LRRC7: variants seen among roughly 807,000 people sequenced by gnomAD.
The protein encoded by LRRC7 is leucine-rich repeat-containing protein 7.
A neutral mutation model predicts 175.7 loss-of-function variants in LRRC7; 23 were observed. The ratio of observed to expected loss-of-function variants is 0.13; its 90% CI spans 0.09 to 0.19. The LOEUF (loss-of-function observed/expected upper bound fraction) is 0.19, where lower values mean the gene tolerates loss of function less well. Among genes scored for constraint, LRRC7 ranks in the 10% least tolerant of loss-of-function variants. LRRC7 has a pLI of 1.00. For missense variants in LRRC7, 1,354 were observed against 1,904.7 expected (o/e 0.71, Z 5.38); for synonymous variants, 685 against 680.9 (o/e 1.01, Z -0.09).
intron 7 of LRRC7, among the ~76,000 whole-genome samples, chr1:69,858,917 G>A (rs1684035756): frequency 6.6e-6 from 1 of 151,998 alleles, no homozygotes; most frequent in Non-Finnish European, 1.5e-5. Flanking sequence ...ATGATAAAAG[G>A]GTCAATTCAA....
intron 25 of LRRC7, among the ~76,000 whole-genome samples, chr1:70,095,340 A>T (rs529461123): frequency 6.6e-6 from 1 of 152,328 alleles, no homozygotes; most frequent in East Asian, 1.9e-4. Context: ...CTTCAGCTGC[A>T]TCTTAGTCAT....
At chr1:69,953,059 A>G (rs1225285818) in intron 8 of LRRC7, among the ~76,000 whole-genome samples, 1 of 151,098 alleles carries the variant, frequency 6.6e-6, no homozygotes, top group Non-Finnish European at 1.5e-5. Context: ...AATAAATGCT[A>G]TTCTGTGGTG....
In LRRC7 at chr1:69,905,112, C is replaced by G. The variant is rs556842012; in HGVS notation, c.648-26395C>G. On this transcript the variant is annotated intron_variant, in intron 7 of 26. Transcript: ENST00000651989. ...ATTTAGGTTGATTCCATGTCTAATTCCATGTCTTTACTTTTGTGAATAGTG... is the reference window on the plus strand; with the variant it reads ...ATTTAGGTTGATTCCATGTCTAATTGCATGTCTTTACTTTTGTGAATAGTG... Among the ~76,000 whole-genome samples the G allele has an allele frequency of 1.3e-3, 202 of 152,102 alleles. 2 individuals carry two copies. The highest frequency in any genetic ancestry group is 1.1e-3 in the Non-Finnish European group (73 of 67,994).
At position 69,904,918 on chromosome 1, in the gene LRRC7, G is replaced by A. The variant is rs370543592; in HGVS notation, c.648-26589G>A. 5.9e-5 allele frequency among the ~76,000 whole-genome samples: 9 copies of A among 152,140 alleles called. No individual in the cohort carries two copies. In the South Asian group the frequency reaches 6.2e-4, roughly 11 times the overall value. On this transcript the variant is annotated intron_variant, in intron 7 of 26. Coordinates refer to ENST00000651989, the MANE Select transcript of LRRC7 (RefSeq NM_001370785.2). The stretch of plus-strand genomic sequence containing the variant: ...CTCCCACTTATAACTGAGAATATGC[G>A]GTATTTGGTTTTCTGTGCCTGCATT...
At position 69,623,549 on chromosome 1, in the gene LRRC7, CT is replaced by C. The variant is rs35199111; in HGVS notation, c.3-54814del. ...TTAAGGCAACTTAGAAAAAGACATA[CT>C]TTTTTTTTTTTTTTTTTGAGGCAGA... is the stretch of plus-strand genomic sequence containing the variant. On this transcript the variant is annotated intron_variant, in intron 1 of 26. Transcript: ENST00000651989. Among the ~76,000 whole-genome samples the C allele has an allele frequency of 7.7e-3, 1,048 of 136,614 alleles. 11 individuals are homozygous for C. Among genetic ancestry groups the C allele is most frequent in the Non-Finnish European group, 0.013 (807 of 64,456 alleles). The allele number at this position is 136,614 out of a possible 152,430, so 89.6% of individuals were successfully genotyped here.
intron 4 of LRRC7, among the ~76,000 whole-genome samples, chr1:69,811,345 TG>T (rs1677836784): frequency 6.6e-6 from 1 of 152,162 alleles, no homozygotes; most frequent in South Asian, 2.1e-4. Context: ...GTTCAACCAT[TG>T]TAGAAGACAG....
intron 23 of LRRC7, among the ~76,000 whole-genome samples, chr1:70,072,638 CA>C (rs1359171422): frequency 6.6e-6 from 1 of 151,772 alleles, no homozygotes; most frequent in African/African-American, 2.4e-5. Context: ...GACTTTACAG[CA>C]TGTTCTTTTC....
intron 7 of LRRC7, among the ~76,000 whole-genome samples, chr1:69,924,447 C>T (rs1236179702): frequency 6.6e-6 from 1 of 152,140 alleles, no homozygotes; most frequent in African/African-American, 2.4e-5. Flanking sequence ...ATAGAATGTT[C>T]TTCCATTTGT....
intron 7 of LRRC7, among the ~76,000 whole-genome samples, chr1:69,898,737 A>G (rs1418394446): frequency 6.6e-6 from 1 of 151,818 alleles, no homozygotes; most frequent in Admixed American, 6.6e-5. Flanking sequence ...TGTAGATAGT[A>G]TCTGTGGAGG....
chr1:70,058,225 G>A (rs977932933), intron 23 of LRRC7, among the ~76,000 whole-genome samples: 2 of 152,128 alleles, frequency 1.3e-5, no homozygotes, highest in African/African-American at 2.4e-5. Flanking sequence ...GGCCAGCCTA[G>A]TCTGAAACTC....
intron 3 of LRRC7, among the ~76,000 whole-genome samples, chr1:69,767,975 T>C (rs1671804334): frequency 6.6e-6 from 1 of 151,346 alleles, no homozygotes; most frequent in Admixed American, 6.6e-5. Flanking sequence ...CACATCCAGG[T>C]GAGGGCTGCA....
intron 2 of LRRC7, among the ~76,000 whole-genome samples, chr1:69,715,544 T>G (rs1665241637): frequency 6.6e-6 from 1 of 152,072 alleles, no homozygotes; most frequent in Admixed American, 6.6e-5. Context: ...GATTTTGGGC[T>G]CAATTATTTT....
intron 2 of LRRC7, among the ~76,000 whole-genome samples, chr1:69,712,145 G>A (rs1664820266): frequency 6.6e-6 from 1 of 152,028 alleles, no homozygotes; most frequent in Non-Finnish European, 1.5e-5. Flanking sequence ...ATCTCATAAA[G>A]TCGTTTAAAA....
chr1:69,686,231 C>A (rs904104158), intron 2 of LRRC7, among the ~76,000 whole-genome samples: 5 of 152,104 alleles, frequency 3.3e-5, no homozygotes, highest in African/African-American at 7.2e-5. Context: ...TGCTAACAAA[C>A]CTTCCCCAAC....
intron 7 of LRRC7, among the ~76,000 whole-genome samples, chr1:69,876,151 G>A (rs1018827245): frequency 6.6e-6 from 1 of 152,030 alleles, no homozygotes; most frequent in Non-Finnish European, 1.5e-5. Context: ...ACGGGTTTCT[G>A]GAACTTTGTT....
At chr1:69,718,440 C>T (rs1320217774) in intron 2 of LRRC7, among the ~76,000 whole-genome samples, 2 of 151,914 alleles carry the variant, frequency 1.3e-5, no homozygotes, top group East Asian at 3.9e-4. Flanking sequence ...GATATTAAAA[C>T]GGTAACTGTA....
At chr1:69,721,570 C>A (rs555928558) in intron 2 of LRRC7, among the ~76,000 whole-genome samples, 14 of 151,862 alleles carry the variant, frequency 9.2e-5, no homozygotes, top group African/African-American at 3.4e-4. Context: ...GAATAATATG[C>A]CATTATATAA....
intron 24 of LRRC7, among the ~76,000 whole-genome samples, chr1:70,082,187 C>T (rs1394418961): frequency 6.6e-6 from 1 of 152,038 alleles, no homozygotes; most frequent in Non-Finnish European, 1.5e-5. Context: ...CTACATTCTG[C>T]TGAGTGGTGT....
chr1:70,048,709 A>G (rs531252815), intron 22 of LRRC7, among the ~76,000 whole-genome samples: 42 of 152,244 alleles, frequency 2.8e-4, no homozygotes, highest in South Asian at 1.4e-3. Flanking sequence ...CCTGTGTGCT[A>G]CAGGTTAGTG....
Sources: gnomAD v4.1 joint callset for allele counts (sites outside exome capture counted in the v4.1 genomes callset) on GRCh38, gnomAD v4.1.1 for gene constraint, MANE v1.5 for transcripts, NCBI Gene and HGNC (gene_info 2026-07-23, HGNC 2026-07-21) for gene names.